Variants in KIAA1217 observed in about 807,000 individuals in gnomAD.
KIAA1217 encodes sickle tail protein homolog.
In KIAA1217, 88 loss-of-function variants were observed where a neutral mutation model predicts 163.9. That is an observed-to-expected ratio of 0.54 (90% CI 0.45 to 0.64). The LOEUF (loss-of-function observed/expected upper bound fraction) is 0.64. Among genes scored for constraint, KIAA1217 ranks in the 30% least tolerant of loss-of-function variants. The probability of loss-of-function intolerance (pLI) is 0.00; values close to 1 mark genes in which losing one functional copy is unlikely to be tolerated. For synonymous variants in KIAA1217, 903 were observed against 923.1 expected (o/e 0.98, Z 0.39); for missense variants, 2,372 against 2,475.0 (o/e 0.96, Z 0.88).
chr10:24,417,826 A>G (rs1355430459), intron 3 of KIAA1217, among the ~76,000 whole-genome samples: 1 of 150,158 alleles, frequency 6.7e-6, no homozygotes, highest in Non-Finnish European at 1.5e-5. Flanking sequence ...ATCTGCTAAC[A>G]TTTGTTTATA....
chr10:23,851,582 C>G (rs866316828), intron 1 of KIAA1217, among the ~76,000 whole-genome samples: 1 of 152,212 alleles, frequency 6.6e-6, no homozygotes, highest in Admixed American at 6.5e-5. Flanking sequence ...CCTGAGGAAT[C>G]GCCACACTGA....
At chr10:23,868,706 T>C (rs912341722) in intron 1 of KIAA1217, among the ~76,000 whole-genome samples, 88 of 152,276 alleles carry the variant, frequency 5.8e-4, no homozygotes, top group African/African-American at 2.0e-3. Context: ...GAGGGCTGTC[T>C]ATCCTTCTTG....
At chr10:24,282,916 C>A (rs918747303) in intron 2 of KIAA1217, among the ~76,000 whole-genome samples, 3 of 147,270 alleles carry the variant, frequency 2.0e-5, no homozygotes, top group Admixed American at 1.4e-4. Flanking sequence ...TCACTGCAAC[C>A]TCCGCCTTCC....
At chr10:23,823,341 G>A (rs190950471) in intron 1 of KIAA1217, among the ~76,000 whole-genome samples, 2 of 152,366 alleles carry the variant, frequency 1.3e-5, no homozygotes, top group East Asian at 3.9e-4. Flanking sequence ...CCTTGCCCAT[G>A]GGCTGCTCCA....
chr10:23,811,329 G>T lies in KIAA1217; in HGVS notation c.-321+116095G>T, dbSNP rs141660552. Among the ~76,000 whole-genome samples the T allele has an allele frequency of 1.1e-3, 161 of 148,054 alleles. 11 individuals are homozygous for T. The East Asian group carries it at 0.025, about 23-fold the overall frequency. On this transcript the variant is annotated intron_variant, in intron 1 of 18. Transcript: ENST00000376462. ...TATATATTATATATAGAGGGAGTAT[G>T]TATATAGTATATGGACTAGAATTAT... is the stretch of plus-strand genomic sequence containing the variant.
At chr10:23,977,603 T>G (rs1452499117) in intron 1 of KIAA1217, among the ~76,000 whole-genome samples, 4 of 152,126 alleles carry the variant, frequency 2.6e-5, no homozygotes, top group Non-Finnish European at 5.9e-5. Flanking sequence ...AGTAAAACAG[T>G]TGGAAAAGAA....
At chr10:23,993,118 G>T (rs2131443633) in intron 1 of KIAA1217, among the ~76,000 whole-genome samples, 1 of 133,098 alleles carries the variant, frequency 7.5e-6, no homozygotes, top group East Asian at 2.2e-4. Context: ...TGCAACTTCT[G>T]CCTCCCGGAT....
intron 2 of KIAA1217, among the ~76,000 whole-genome samples, chr10:24,178,192 G>A (rs1307436700): frequency 6.6e-6 from 1 of 152,148 alleles, no homozygotes. Flanking sequence ...AATGTCACTT[G>A]CATAGGGATT....
intron 2 of KIAA1217, among the ~76,000 whole-genome samples, chr10:24,159,708 G>A (rs1381571672): frequency 2.0e-5 from 3 of 152,034 alleles, no homozygotes; most frequent in African/African-American, 4.8e-5. Context: ...GTGTGAATCC[G>A]GGAGGCAGAG....
At chr10:23,849,362 G>C (rs1219953354) in intron 1 of KIAA1217, among the ~76,000 whole-genome samples, 4 of 152,072 alleles carry the variant, frequency 2.6e-5, no homozygotes, top group Non-Finnish European at 5.9e-5. Context: ...ATATCTGCTA[G>C]TTCTGGTGAA....
chr10:24,258,839 C>T lies in KIAA1217; in HGVS notation c.354+38930C>T, dbSNP rs189373816. On this transcript the variant is annotated intron_variant, in intron 2 of 20. Coordinates refer to ENST00000376454, the MANE Select transcript of KIAA1217 (RefSeq NM_019590.5). ...CGATCTCCTGACCTCGTGATCCGCC[C>T]GCCTGGGCCTCCCAAAGTGCTGGGA... 1.9e-3 allele frequency among the ~76,000 whole-genome samples: 294 copies of T among 152,168 alleles called. 4 individuals are homozygous for T. The highest frequency in any genetic ancestry group is 6.4e-3 in the African/African-American group (266 of 41,544).
At chr10:24,272,360 C>G (rs557013051) in intron 2 of KIAA1217, among the ~76,000 whole-genome samples, 1 of 152,138 alleles carries the variant, frequency 6.6e-6, no homozygotes, top group African/African-American at 2.4e-5. Context: ...ATTTTTTTGG[C>G]CTTGGTTATC....
intron 1 of KIAA1217, among the ~76,000 whole-genome samples, chr10:23,979,653 A>G (rs1260405010): frequency 6.6e-6 from 1 of 152,140 alleles, no homozygotes; most frequent in South Asian, 2.1e-4. Context: ...GACCCTTCAC[A>G]GGTGAGGTGT....
chr10:23,728,100 A>G (rs757705144), intron 1 of KIAA1217, among the ~76,000 whole-genome samples: 1 of 152,228 alleles, frequency 6.6e-6, no homozygotes, highest in Non-Finnish European at 1.5e-5. Context: ...TAATGCTGCA[A>G]TAAACATACA....
chr10:23,867,820 G>A (rs1266981011), intron 1 of KIAA1217, among the ~76,000 whole-genome samples: 1 of 152,116 alleles, frequency 6.6e-6, no homozygotes, highest in African/African-American at 2.4e-5. Flanking sequence ...CACTCTGATG[G>A]TGGTTTCTTT....
At chr10:24,142,282 A>G (rs980759201) in intron 2 of KIAA1217, among the ~76,000 whole-genome samples, 1 of 152,230 alleles carries the variant, frequency 6.6e-6, no homozygotes, top group African/African-American at 2.4e-5. Flanking sequence ...GTATCAATTT[A>G]AGTTTATAAA....
chr10:23,855,311 A>G (rs1366430763), intron 1 of KIAA1217, among the ~76,000 whole-genome samples: 1 of 152,162 alleles, frequency 6.6e-6, no homozygotes, highest in Non-Finnish European at 1.5e-5. Context: ...TGGGTTGAAA[A>G]TTCTTTTCTT....
intron 1 of KIAA1217, among the ~76,000 whole-genome samples, chr10:24,215,055 G>A (rs2068640878): frequency 6.6e-6 from 1 of 152,246 alleles, no homozygotes; most frequent in African/African-American, 2.4e-5. Context: ...ATGAGCCTCT[G>A]CGTGTTTGGT....
rs145046520 is a variant in KIAA1217 at position 24,282,452 on chromosome 10, A to G, written c.354+62543A>G. Among the ~76,000 whole-genome samples the G allele has an allele frequency of 1.3e-3, 203 of 152,246 alleles. 2 individuals are homozygous for G. Among genetic ancestry groups the G allele is most frequent in the African/African-American group, 4.4e-3 (182 of 41,540 alleles). On this transcript the variant is annotated intron_variant, in intron 2 of 20. Transcript: ENST00000376454. ...ATAAATTATTTGGAATTCTCTGCATAAGAAATTTGTGTTTATTTATCCCCC... is the reference window on the plus strand; with the variant it reads ...ATAAATTATTTGGAATTCTCTGCATGAGAAATTTGTGTTTATTTATCCCCC...
Sources: allele counts gnomAD v4.1 joint callset (sites outside exome capture counted in the v4.1 genomes callset), GRCh38; gene constraint gnomAD v4.1.1; transcripts MANE v1.5; gene names NCBI Gene and HGNC (gene_info 2026-07-23, HGNC 2026-07-21).